Variants in PKHD1 observed in about 807,000 individuals in gnomAD.
PKHD1 encodes fibrocystin.
In PKHD1, 291 loss-of-function variants were observed where a neutral mutation model predicts 412.0. The ratio of observed to expected loss-of-function variants is 0.71; its 90% CI spans 0.64 to 0.78. The LOEUF (loss-of-function observed/expected upper bound fraction) is 0.78. Ranked by LOEUF, PKHD1 falls within the 30% of genes least tolerant of loss-of-function variation. PKHD1 has a pLI of 0.00. For missense variants in PKHD1, 4,825 were observed against 4,950.7 expected, an observed-to-expected ratio of 0.97 and a Z score of 0.76; for synonymous variants, 1,777 against 1,821.5, an observed-to-expected ratio of 0.98 and a Z score of 0.62.
chr6:51,962,052 ATAT>A (rs1483674128), intron 35 of PKHD1, among the ~76,000 whole-genome samples: 1 of 152,120 alleles, frequency 6.6e-6, no homozygotes. Context: ...AGAAGGAGAT[ATAT>A]CTTTAAAAGG....
chr6:51,639,239 CT>C (rs1025491378), intron 63 of PKHD1, among the ~76,000 whole-genome samples: 12 of 152,212 alleles, frequency 7.9e-5, no homozygotes, highest in African/African-American at 2.9e-4. Context: ...ACGCTATTAT[CT>C]ATATTCTAGC....
rs772786681 is a variant in PKHD1, at chr6:51,909,374, G to T, written c.6591C>A (p.Ser2197Arg). 3.1e-6 allele frequency: 5 copies of T among 1,613,374 alleles called. No homozygotes were observed. Among genetic ancestry groups the T allele is most frequent in the Non-Finnish European group, 4.2e-6 (5 of 1,179,454 alleles). ...ACTGCACTCCCTTCAACTGGACCTGGCTGGGCTCTTCTGGGAAGGACTGAA... is the reference window on the plus strand; with the variant it reads ...ACTGCACTCCCTTCAACTGGACCTGTCTGGGCTCTTCTGGGAAGGACTGAA... The part of the protein sequence containing the change: ...VIVQSFPEEP[S>R]QVQLKGVQFQ... The change falls in exon 40 of 67, where the codon AGC becomes AGA. Residue 2197 changes from serine (S) to arginine (R), a missense_variant. By Grantham distance (110) the Ser-to-Arg change is moderately radical. Coordinates refer to ENST00000371117, the MANE Select transcript of PKHD1 (RefSeq NM_138694.4).
At chr6:52,018,775 A>G (rs1800942039) in intron 33 of PKHD1, among the ~76,000 whole-genome samples, 1 of 152,152 alleles carries the variant, frequency 6.6e-6, no homozygotes, top group African/African-American at 2.4e-5. Context: ...TCAGCCTCAA[A>G]AAGTGCTAGG....
chr6:51,920,309 C>G (rs1380746356), intron 37 of PKHD1, among the ~76,000 whole-genome samples: 2 of 152,196 alleles, frequency 1.3e-5, no homozygotes, highest in African/African-American at 4.8e-5. Context: ...CCGTCAATAC[C>G]TAGTTTATTC....
At chr6:51,751,195 A>G (rs557441035) in intron 57 of PKHD1, among the ~76,000 whole-genome samples, 1 of 152,300 alleles carries the variant, frequency 6.6e-6, no homozygotes, top group East Asian at 1.9e-4. Flanking sequence ...GGAAGAGAAG[A>G]ATGATGGAGC....
chr6:52,040,361 A>G (rs890671721), intron 27 of PKHD1, among the ~76,000 whole-genome samples: 12 of 152,150 alleles, frequency 7.9e-5, no homozygotes, highest in Non-Finnish European at 1.6e-4. Flanking sequence ...CCAAGCCAAC[A>G]TTATCTCTCC....
At chr6:51,791,734 A>T (rs1348559966) in intron 52 of PKHD1, among the ~76,000 whole-genome samples, 2 of 152,170 alleles carry the variant, frequency 1.3e-5, no homozygotes, top group Non-Finnish European at 2.9e-5. Context: ...AGAACAGTAG[A>T]CATGACATTG....
intron 36 of PKHD1, among the ~76,000 whole-genome samples, chr6:51,959,211 C>CAG: frequency 6.6e-6 from 1 of 152,206 alleles, no homozygotes; most frequent in African/African-American, 2.4e-5. Flanking sequence ...TGCCAATGAA[C>CAG]AGAGGCATTT....
chr6:51,916,969 T>G (rs972207900), intron 37 of PKHD1, among the ~76,000 whole-genome samples: 11 of 152,124 alleles, frequency 7.2e-5, no homozygotes, highest in African/African-American at 2.7e-4. Flanking sequence ...GTTCAAGCAT[T>G]TCAATGTCAT....
chr6:51,750,481 A>G (rs905196246), intron 57 of PKHD1, among the ~76,000 whole-genome samples: 1 of 152,146 alleles, frequency 6.6e-6, no homozygotes, highest in Non-Finnish European at 1.5e-5. Flanking sequence ...TTTCTTATAA[A>G]TGATATTACA....
At chr6:51,791,903 T>TAA (rs1463096890) in intron 52 of PKHD1, among the ~76,000 whole-genome samples, 1 of 152,216 alleles carries the variant, frequency 6.6e-6, no homozygotes, top group Non-Finnish European at 1.5e-5. Context: ...TTGTGAGGGT[T>TAA]AACTCATTTA....
intron 35 of PKHD1, among the ~76,000 whole-genome samples, chr6:51,980,394 A>C (rs1233006335): frequency 6.6e-6 from 1 of 152,236 alleles, no homozygotes; most frequent in African/African-American, 2.4e-5. Context: ...CATGCAAATA[A>C]TGTGCTACAG....
chr6:51,900,801 C>T (rs1203256933), intron 43 of PKHD1, among the ~76,000 whole-genome samples: 1 of 151,838 alleles, frequency 6.6e-6, no homozygotes, highest in Non-Finnish European at 1.5e-5. Context: ...CCAGAATCTA[C>T]AATGAACTCA....
chr6:51,794,593 C>G (rs1433001105), intron 52 of PKHD1, among the ~76,000 whole-genome samples: 1 of 152,158 alleles, frequency 6.6e-6, no homozygotes, highest in Non-Finnish European at 1.5e-5. Context: ...AAATCTTCAC[C>G]TGTGCCTTTG....
rs1772450315 is a variant in PKHD1 at position 51,659,409 on chromosome 6, C to G, written c.10717G>C (p.Glu3573Gln). ...AGTATTACTATTTCCCAGCCTTTTT[C>G]TAAGACTGAAACCATCACAGTGAGG... ...LALTVMVSVL[E>Q]KGWEIVILER... Residue 3573 changes from glutamate to glutamine, a missense_variant, in exon 61 of 67, where the codon GAA (glutamate) becomes CAA (glutamine). Coordinates refer to ENST00000371117, the MANE Select transcript of PKHD1 (RefSeq NM_138694.4). 1 of 1,613,638 alleles carries G rather than the reference C, an allele frequency of 6.2e-7. No individual in the cohort carries two copies. Among genetic ancestry groups the G allele is most frequent in the South Asian group, 1.1e-5 (1 of 91,080 alleles).
At chr6:51,743,654 T>A (rs1209248922) in intron 60 of PKHD1, among the ~76,000 whole-genome samples, 2 of 152,058 alleles carry the variant, frequency 1.3e-5, no homozygotes, top group African/African-American at 4.8e-5. Flanking sequence ...AAGTCACACA[T>A]TCAAAAATTT....
At position 52,055,600 on chromosome 6, in the gene PKHD1, T is replaced by C. The variant is rs759740699; in HGVS notation, c.1823A>G (p.Asp608Gly). Residue 608 changes from aspartate to glycine, a missense_variant, in exon 19 of 67, where the codon GAT becomes GGT. Coordinates refer to ENST00000371117, the MANE Select transcript of PKHD1 (RefSeq NM_138694.4). Reference protein sequence around the residue: ...PPAAQKGYRLDQYTHLCLAYK... With the variant: ...PPAAQKGYRLGQYTHLCLAYK... ...ACTGCTACTCACGTGTGTATACTGA[T>C]CTAGCCGATAGCCCTTCTGGGCAGC... 1 of 1,613,962 alleles carries C rather than the reference T, an allele frequency of 6.2e-7. No homozygotes were observed. Among genetic ancestry groups the C allele is most frequent in the Non-Finnish European group, 8.5e-7 (1 of 1,179,900 alleles).
intron 60 of PKHD1, chr6:51,741,049 A>T (rs1005872900): frequency 1.9e-6 from 1 of 516,558 alleles, no homozygotes; most frequent in Non-Finnish European, 3.9e-6. Context: ...GTGTAATATG[A>T]TATTACTCAT....
chr6:51,617,010 G>A lies in PKHD1; in HGVS notation c.*2071C>T, dbSNP rs1766125078. ...CTGTGTTAACTTCATAGTAACTATA[G>A]GATAACCTACTGGATATTCTCACTA... On this transcript the variant is annotated 3_prime_UTR_variant, in exon 67 of 67. Coordinates refer to ENST00000371117, the MANE Select transcript of PKHD1 (RefSeq NM_138694.4). 1 of 256,450 alleles carries A rather than the reference G, an allele frequency of 3.9e-6. No individual in the cohort carries two copies. Among genetic ancestry groups the A allele is most frequent in the Non-Finnish European group, 7.3e-6 (1 of 136,280 alleles). 15.9% of individuals were successfully genotyped at this position (256,450 alleles called of 1,614,324 possible). A position where few individuals can be genotyped will look rare whatever the true frequency, so the allele number is the denominator to read the frequency against.
Sources: allele counts gnomAD v4.1 joint callset (sites outside exome capture counted in the v4.1 genomes callset), GRCh38; gene constraint gnomAD v4.1.1; transcripts MANE v1.5; gene names NCBI Gene and HGNC (gene_info 2026-07-23, HGNC 2026-07-21).